KCNIP1: variants seen among roughly 807,000 people sequenced by gnomAD.
KCNIP1 encodes A-type potassium channel modulatory protein KCNIP1.
In KCNIP1, 18 loss-of-function variants were observed where a neutral mutation model predicts 33.0. That is an observed-to-expected ratio of 0.55 (90% CI 0.38 to 0.81). The LOEUF is 0.81. Among genes scored for constraint, KCNIP1 ranks in the 30% least tolerant of loss-of-function variants. KCNIP1 has a pLI of 0.00. For missense variants in KCNIP1, 238 were observed against 271.6 expected (o/e 0.88, Z 0.87); for synonymous variants, 93 against 98.3 (o/e 0.95, Z 0.32).
At chr5:170,545,443 G>T (rs2113393891) in intron 1 of KCNIP1, among the ~76,000 whole-genome samples, 1 of 152,200 alleles carries the variant, frequency 6.6e-6, no homozygotes, top group Admixed American at 6.5e-5. Flanking sequence ...CTTGATCATT[G>T]TCTTTCCAAA....
intron 1 of KCNIP1, among the ~76,000 whole-genome samples, chr5:170,590,905 G>A (rs1338525671): frequency 6.6e-6 from 1 of 152,202 alleles, no homozygotes; most frequent in Non-Finnish European, 1.5e-5. Flanking sequence ...CTGGGAAAGG[G>A]AGCCTGGAGG....
rs1409156592 is a variant in KCNIP1, at chr5:170,504,677, G to T, written c.61+44G>T. The T allele has an allele frequency of 3.2e-6, 5 of 1,555,414 alleles. No individual in the cohort carries two copies. The highest frequency in any genetic ancestry group is 3.5e-6 in the Non-Finnish European group (4 of 1,127,270). Reference sequence around the variant, plus strand: ...TTTGTTCCCCTGTCTGGGCTTGGGGGTGCTAGGCGCCGAGGTGGGCTGTGC... The same window carrying T: ...TTTGTTCCCCTGTCTGGGCTTGGGGTTGCTAGGCGCCGAGGTGGGCTGTGC... On this transcript the variant is annotated intron_variant, in intron 1 of 7. Transcript: ENST00000328939. The surrounding 1 kb of genome is among the most constrained non-coding windows in gnomAD (Gnocchi z 6.0).
intron 1 of KCNIP1, among the ~76,000 whole-genome samples, chr5:170,617,731 G>A (rs1279125135): frequency 1.3e-5 from 2 of 152,164 alleles, no homozygotes; most frequent in Non-Finnish European, 1.5e-5. Context: ...AACTTTTGTA[G>A]CCCTGTTCCC....
intron 1 of KCNIP1, among the ~76,000 whole-genome samples, chr5:170,523,731 C>G (rs910293209): frequency 6.6e-6 from 1 of 152,124 alleles, no homozygotes; most frequent in African/African-American, 2.4e-5. Flanking sequence ...GTCTTTCCAG[C>G]CAGGCATCTG....
At chr5:170,534,380 A>C (rs1239531143) in intron 1 of KCNIP1, among the ~76,000 whole-genome samples, 2 of 152,028 alleles carry the variant, frequency 1.3e-5, no homozygotes, top group Non-Finnish European at 2.9e-5. Context: ...GGGTAGGTGG[A>C]GGCTGTGGTA....
intron 1 of KCNIP1, among the ~76,000 whole-genome samples, chr5:170,517,684 C>T (rs988510726): frequency 8.8e-5 from 13 of 147,822 alleles, no homozygotes; most frequent in East Asian, 2.0e-4. Flanking sequence ...ATGATAGTGA[C>T]GGTGGTGATG....
chr5:170,697,407 A>G (rs184186509), intron 1 of KCNIP1, among the ~76,000 whole-genome samples: 5 of 152,306 alleles, frequency 3.3e-5, no homozygotes, highest in Admixed American at 3.3e-4. Flanking sequence ...TGCACATATT[A>G]GATACTTAGT....
At chr5:170,448,316 C>T (rs757040823) in intron 1 of KCNIP1, among the ~76,000 whole-genome samples, 1 of 152,232 alleles carries the variant, frequency 6.6e-6, no homozygotes, top group Non-Finnish European at 1.5e-5. Flanking sequence ...AATAGAGTTG[C>T]CTCATTTCAC....
At chr5:170,405,291 A>G (rs1313335210) in intron 1 of KCNIP1, among the ~76,000 whole-genome samples, 6 of 151,956 alleles carry the variant, frequency 3.9e-5, no homozygotes, top group Non-Finnish European at 8.8e-5. Flanking sequence ...GCCTCCAGGT[A>G]TCAAGCGATT....
intron 1 of KCNIP1, among the ~76,000 whole-genome samples, chr5:170,641,206 C>G (rs1561736258): frequency 6.6e-6 from 1 of 152,188 alleles, no homozygotes; most frequent in Non-Finnish European, 1.5e-5. Flanking sequence ...CCCCATCACT[C>G]TGGGTCCTTG....
At chr5:170,509,749 A>T (rs1401827498) in intron 1 of KCNIP1, among the ~76,000 whole-genome samples, 1 of 152,242 alleles carries the variant, frequency 6.6e-6, no homozygotes, top group East Asian at 1.9e-4. Flanking sequence ...GAGCATTGAT[A>T]GTCATCTCCC....
At chr5:170,430,550 C>G (rs897995439) in intron 1 of KCNIP1, among the ~76,000 whole-genome samples, 4 of 152,300 alleles carry the variant, frequency 2.6e-5, no homozygotes, top group South Asian at 4.1e-4. Context: ...CCTATCATAC[C>G]CGGTATGGCT....
intron 1 of KCNIP1, chr5:170,375,608 G>T: frequency 9.7e-6 from 1 of 102,902 alleles, no homozygotes; most frequent in Non-Finnish European, 2.2e-5. Flanking sequence ...TTCACAGCTG[G>T]CTCTGTCCCT....
At chr5:170,727,513 CCTA>C (rs1325071959) in intron 5 of KCNIP1, among the ~76,000 whole-genome samples, 6 of 151,950 alleles carry the variant, frequency 3.9e-5, no homozygotes, top group African/African-American at 1.5e-4. Context: ...GGGGGAAGTG[CCTA>C]ACCAATAGAA....
chr5:170,499,743 AG>A (rs1216680512), upstream of KCNIP1, among the ~76,000 whole-genome samples: 1 of 152,210 alleles, frequency 6.6e-6, no homozygotes, highest in Non-Finnish European at 1.5e-5. Flanking sequence ...AGAGGAAGAA[AG>A]GAGAGGGGGA....
intron 1 of KCNIP1, among the ~76,000 whole-genome samples, chr5:170,522,561 A>G (rs1396236309): frequency 1.3e-5 from 2 of 152,212 alleles, no homozygotes; most frequent in East Asian, 3.8e-4. Context: ...TGCCAGCAAA[A>G]TCAGGCTTCC....
At chr5:170,402,538 C>T (rs1754933140) in intron 1 of KCNIP1, among the ~76,000 whole-genome samples, 1 of 152,114 alleles carries the variant, frequency 6.6e-6, no homozygotes, top group Non-Finnish European at 1.5e-5. Flanking sequence ...CTTGAGGTCC[C>T]CCTGGAGTTA....
At position 170,381,028 on chromosome 5, in the gene KCNIP1, T is replaced by G. The variant is rs995007378; in HGVS notation, c.88+27064T>G. ...ATATGTTTTGACTTATCTATGAAATTGCAACAACAGCTCCTTCTTTACCTT... is the reference window on the plus strand; with the variant it reads ...ATATGTTTTGACTTATCTATGAAATGGCAACAACAGCTCCTTCTTTACCTT... On this transcript the variant is annotated intron_variant, in intron 1 of 7. Transcript: ENST00000377360. Among the ~76,000 whole-genome samples the G allele has an allele frequency of 1.2e-4, 18 of 152,356 alleles. 1 individual carries two copies. The highest frequency in any genetic ancestry group is 3.4e-4 in the African/African-American group (14 of 41,574).
At chr5:170,493,942 G>T (rs752112782) in intron 1 of KCNIP1, among the ~76,000 whole-genome samples, 8 of 152,184 alleles carry the variant, frequency 5.3e-5, no homozygotes, top group Non-Finnish European at 1.0e-4. Flanking sequence ...CTGCCTCCCT[G>T]GTGCCATCGC....
Sources: allele counts gnomAD v4.1 joint callset (sites outside exome capture counted in the v4.1 genomes callset), GRCh38; gene constraint gnomAD v4.1.1; non-coding constraint Gnocchi (gnomAD v3.1); transcripts MANE v1.5; gene names NCBI Gene and HGNC (gene_info 2026-07-23, HGNC 2026-07-21).